The following KCTD8 variants were observed in gnomAD, a reference collection of about 807,000 sequenced individuals.
KCTD8 encodes potassium channel tetramerization domain containing 8.
A neutral mutation model predicts 31.5 loss-of-function variants in KCTD8; 27 were observed. The observed-to-expected ratio is 0.86, with a 90% CI of 0.63 to 1.18. The LOEUF (loss-of-function observed/expected upper bound fraction) is 1.18, where lower values mean the gene tolerates loss of function less well. Among genes scored for constraint, KCTD8 ranks in the 50% most tolerant of loss-of-function variants. The probability of loss-of-function intolerance (pLI) is 0.00; values close to 1 mark genes in which losing one functional copy is unlikely to be tolerated. For missense variants in KCTD8, 658 were observed against 647.7 expected (o/e 1.02, Z -0.17); for synonymous variants, 290 against 280.0 (o/e 1.04, Z -0.36).
chr4:44,296,503 T>G (rs1717439318), intron 1 of KCTD8, among the ~76,000 whole-genome samples: 1 of 152,130 alleles, frequency 6.6e-6, no homozygotes, highest in South Asian at 2.1e-4. Context: ...TGTTTTAAAT[T>G]GATATATTAA....
At chr4:44,273,218 A>C (rs78700784) in intron 1 of KCTD8, among the ~76,000 whole-genome samples, 4,588 of 152,124 alleles carry the variant, frequency 0.03, 239 homozygotes, top group African/African-American at 0.11. Flanking sequence ...GACATATATA[A>C]TTCATCATTT....
chr4:44,291,350 G>T (rs1717266529), intron 1 of KCTD8, among the ~76,000 whole-genome samples: 1 of 152,002 alleles, frequency 6.6e-6, no homozygotes, highest in South Asian at 2.1e-4. Flanking sequence ...ACAACGATTT[G>T]ATTTTCCAAA....
At chr4:44,242,196 ATTAT>A (rs1715522342) in intron 1 of KCTD8, among the ~76,000 whole-genome samples, 1 of 152,220 alleles carries the variant, frequency 6.6e-6, no homozygotes, top group African/African-American at 2.4e-5. Context: ...ACTGTATTAT[ATTAT>A]TTAATTCTCA....
intron 1 of KCTD8, among the ~76,000 whole-genome samples, chr4:44,278,715 A>G (rs1716817952): frequency 6.6e-6 from 1 of 152,024 alleles, no homozygotes; most frequent in Non-Finnish European, 1.5e-5. Flanking sequence ...TGATGAGAGT[A>G]TCAATGACCT....
chr4:44,327,369 T>C (rs189099286), intron 1 of KCTD8, among the ~76,000 whole-genome samples: 1 of 151,988 alleles, frequency 6.6e-6, no homozygotes, highest in African/African-American at 2.4e-5. Context: ...ACTTCAGTCT[T>C]ACTATCTCTA....
At chr4:44,231,247 T>A (rs568279895) in intron 1 of KCTD8, among the ~76,000 whole-genome samples, 13 of 152,280 alleles carry the variant, frequency 8.5e-5, no homozygotes, top group African/African-American at 3.1e-4. Context: ...CCAGGCCCTA[T>A]CTCTGATTTT....
At chr4:44,232,488 C>T (rs957967551) in intron 1 of KCTD8, among the ~76,000 whole-genome samples, 1 of 152,116 alleles carries the variant, frequency 6.6e-6, no homozygotes, top group African/African-American at 2.4e-5. Flanking sequence ...ACTAATAGGG[C>T]TATACAAGTC....
chr4:44,351,094 T>C (rs1233141145), intron 1 of KCTD8, among the ~76,000 whole-genome samples: 1 of 152,174 alleles, frequency 6.6e-6, no homozygotes, highest in African/African-American at 2.4e-5. Flanking sequence ...ATTCTGTTCC[T>C]TTACCGTGCT....
chr4:44,379,559 TA>T (rs1227296047), intron 1 of KCTD8, among the ~76,000 whole-genome samples: 93 of 152,254 alleles, frequency 6.1e-4, no homozygotes, highest in African/African-American at 2.2e-3. Context: ...CAGGTGTGTG[TA>T]TGTGTGTGTG....
At chr4:44,382,106 C>A (rs4552511) in intron 1 of KCTD8, among the ~76,000 whole-genome samples, 1 of 151,882 alleles carries the variant, frequency 6.6e-6, no homozygotes, top group African/African-American at 2.4e-5. Flanking sequence ...AATGGAGGAA[C>A]AGACTCTAAT....
chr4:44,389,416 G>A (rs1018070026), intron 1 of KCTD8, among the ~76,000 whole-genome samples: 2 of 151,486 alleles, frequency 1.3e-5, no homozygotes, highest in Non-Finnish European at 3.0e-5. Flanking sequence ...CATGAAAAAA[G>A]GAACAAAATT....
rs144947379 is a variant in KCTD8 at position 44,293,290 on chromosome 4, A to T, written c.962-118040T>A. ...TCCCTTACAGTTAGAGTTATCAAAT[A>T]TAGTCAACCAAATTACTGAGTCCAA... On this transcript the variant is annotated intron_variant, in intron 1 of 1. Transcript: ENST00000360029. 3.9e-3 allele frequency: 1,133 copies of T among 292,688 alleles called. 16 individuals carry two copies. Among genetic ancestry groups the T allele is most frequent in the East Asian group, 9.5e-3 (98 of 10,262 alleles). The allele number at this position is 292,688 out of a possible 1,614,324, so 18.1% of individuals were successfully genotyped here.
At chr4:44,289,763 G>C (rs1275556308) in intron 1 of KCTD8, among the ~76,000 whole-genome samples, 1 of 152,096 alleles carries the variant, frequency 6.6e-6, no homozygotes, top group African/African-American at 2.4e-5. Flanking sequence ...GAGCCTGGGG[G>C]ATTTTGCACA....
At chr4:44,398,250 A>AC (rs1720559539) in intron 1 of KCTD8, among the ~76,000 whole-genome samples, 1 of 152,206 alleles carries the variant, frequency 6.6e-6, no homozygotes, top group Non-Finnish European at 1.5e-5. Context: ...TAATAAGTCA[A>AC]CTGCTGCAGT....
At chr4:44,395,566 G>T (rs1720481840) in intron 1 of KCTD8, among the ~76,000 whole-genome samples, 1 of 152,014 alleles carries the variant, frequency 6.6e-6, no homozygotes, top group Non-Finnish European at 1.5e-5. Flanking sequence ...CCTTTTTCCA[G>T]AAGTCTTCAT....
At chr4:44,442,261 A>C (rs1437914510) in intron 1 of KCTD8, among the ~76,000 whole-genome samples, 1 of 152,160 alleles carries the variant, frequency 6.6e-6, no homozygotes, top group Non-Finnish European at 1.5e-5. Flanking sequence ...TGTAATGAGA[A>C]CATTTAAAGA....
chr4:44,331,153 G>GA (rs1334445412), intron 1 of KCTD8, among the ~76,000 whole-genome samples: 1 of 151,792 alleles, frequency 6.6e-6, no homozygotes, highest in Non-Finnish European at 1.5e-5. Flanking sequence ...AATAAAATAT[G>GA]AAAAAATACA....
At chr4:44,270,555 A>G (rs1257282637) in intron 1 of KCTD8, among the ~76,000 whole-genome samples, 7 of 151,998 alleles carry the variant, frequency 4.6e-5, no homozygotes, top group Admixed American at 3.9e-4. Flanking sequence ...AATAATAAAA[A>G]AAAGAAGGTG....
chr4:44,445,013 G>A (rs1275229581), intron 1 of KCTD8, among the ~76,000 whole-genome samples: 1 of 152,124 alleles, frequency 6.6e-6, no homozygotes. Context: ...TAAAACATAA[G>A]TGGACAAACA....
Sources: gnomAD v4.1 joint callset for allele counts (sites outside exome capture counted in the v4.1 genomes callset) on GRCh38, gnomAD v4.1.1 for gene constraint, MANE v1.5 for transcripts, NCBI Gene and HGNC (gene_info 2026-07-23, HGNC 2026-07-21) for gene names.